The following NRAP variants were observed in gnomAD, a reference collection of about 807,000 sequenced individuals.
The protein encoded by NRAP is nebulin-related-anchoring protein.
NRAP carries 189 observed loss-of-function variants against 225.9 expected under a neutral mutation model. The ratio of observed to expected loss-of-function variants is 0.84; its 90% CI spans 0.74 to 0.94. NRAP has a LOEUF of 0.94. Among genes scored for constraint, NRAP ranks in the 40% least tolerant of loss-of-function variants. The pLI, the probability that NRAP is intolerant of heterozygous loss-of-function variation, is 0.00. For synonymous variants in NRAP, 769 were observed against 790.7 expected, an observed-to-expected ratio of 0.97 and a Z score of 0.46; for missense variants, 2,176 against 2,168.7, an observed-to-expected ratio of 1.00 and a Z score of -0.07.
At chr10:113,608,707 A>T (rs1015414371) in intron 31 of NRAP, among the ~76,000 whole-genome samples, 195 bp from the exon 32 acceptor site, 1 of 152,232 alleles carries the variant, frequency 6.6e-6, no homozygotes, top group East Asian at 1.9e-4. Context: ...GGAGGATAGG[A>T]TGGACTGAAT....
chr10:113,661,708 C>G lies in NRAP; in HGVS notation c.255+971G>C, dbSNP rs565897460. Among the ~76,000 whole-genome samples, 91 of 152,222 alleles carry G rather than the reference C, an allele frequency of 6.0e-4. 1 individual carries two copies. Among genetic ancestry groups the G allele is most frequent in the Non-Finnish European group, 8.5e-4 (58 of 68,008 alleles). On this transcript the variant is annotated intron_variant, in intron 3 of 41. Transcript: ENST00000359988. The stretch of plus-strand genomic sequence containing the variant: ...TAGATTTTCAAGAGGTTGGATTTGG[C>G]AATGTGGCCTCCATATTTACCTCCC...
chr10:113,663,520 T>TA (rs770166216), intron 1 of NRAP, 74 bp from the exon 2 acceptor site: 12 of 954,652 alleles, frequency 1.3e-5, no homozygotes, highest in African/African-American at 3.3e-5. Flanking sequence ...TATTTTAGGG[T>TA]AAAAAAATGA....
intron 15 of NRAP, among the ~76,000 whole-genome samples, chr10:113,633,739 CTTT>C (rs1219794871): frequency 6.6e-6 from 1 of 151,838 alleles, no homozygotes; most frequent in Non-Finnish European, 1.5e-5. Context: ...CATGTTTTTT[CTTT>C]TTTACCTTTT....
chr10:113,647,433 C>G (rs918510448), intron 9 of NRAP, among the ~76,000 whole-genome samples: 1 of 146,708 alleles, frequency 6.8e-6, no homozygotes, highest in Non-Finnish European at 1.5e-5. Flanking sequence ...AGACCTCCCC[C>G]GATGGTACTG....
At chr10:113,600,181 C>G (rs1301813087) in intron 35 of NRAP, among the ~76,000 whole-genome samples, 1 of 151,470 alleles carries the variant, frequency 6.6e-6, no homozygotes, top group African/African-American at 2.4e-5. Flanking sequence ...CTCTCTCTCT[C>G]TCTCTCTGGA....
At chr10:113,647,506 A>AGTGGTACTGTCTCCCCCG (rs1198382124) in intron 9 of NRAP, among the ~76,000 whole-genome samples, 5 of 63,044 alleles carry the variant, frequency 7.9e-5, no homozygotes, top group Middle Eastern at 9.1e-3. Context: ...TGCCTCCCCA[A>AGTGGTACTGTCTCCCCCG]GTGGTACTGT....
At chr10:113,641,281 T>C (rs367831741) in intron 13 of NRAP, 84 bp downstream of exon 13, 6 of 795,714 alleles carry the variant, frequency 7.5e-6, no homozygotes, top group African/African-American at 1.8e-5. Context: ...GATTTTTTTT[T>C]AAGGGGAATT....
chr10:113,619,397 A>G (rs1847860963), intron 25 of NRAP, among the ~76,000 whole-genome samples: 1 of 152,126 alleles, frequency 6.6e-6, no homozygotes, highest in Admixed American at 6.5e-5. Context: ...TAGCAGTGCT[A>G]TCCCCATGGA....
At chr10:113,615,123 C>A (rs1305743266) in intron 27 of NRAP, among the ~76,000 whole-genome samples, 177 bp from the exon 28 acceptor site, 1 of 151,792 alleles carries the variant, frequency 6.6e-6, no homozygotes, top group East Asian at 1.9e-4. Context: ...GCCTCGTGCC[C>A]ACCTCTTTGG....
At chr10:113,611,382 G>A (rs774555259) in intron 30 of NRAP, among the ~76,000 whole-genome samples, 34 of 152,188 alleles carry the variant, frequency 2.2e-4, no homozygotes, top group Non-Finnish European at 2.9e-4. Flanking sequence ...GGTTTTGTGC[G>A]GAGTTTTCTT....
chr10:113,602,209 C>A (rs982902545), intron 35 of NRAP, among the ~76,000 whole-genome samples: 1 of 152,182 alleles, frequency 6.6e-6, no homozygotes, highest in Admixed American at 6.5e-5. Flanking sequence ...GAGATGGAGG[C>A]CTAGAAAGGG....
intron 14 of NRAP, among the ~76,000 whole-genome samples, chr10:113,635,748 G>A (rs1848833474): frequency 6.6e-6 from 1 of 152,098 alleles, no homozygotes; most frequent in South Asian, 2.1e-4. Context: ...ATTTAACCAA[G>A]GTTATCTGAA....
intron 30 of NRAP, among the ~76,000 whole-genome samples, chr10:113,611,776 C>A (rs1205299448): frequency 6.6e-6 from 1 of 152,144 alleles, no homozygotes; most frequent in Non-Finnish European, 1.5e-5. Context: ...AGGAATCCTT[C>A]CTGAGACTTG....
rs369763684 is a variant in NRAP at position 113,608,514 on chromosome 10, T to C, written c.3604-2A>G. On this transcript the variant is annotated splice_acceptor_variant, in intron 31 of 41. Coordinates refer to ENST00000359988, the MANE Select transcript of NRAP (RefSeq NM_198060.4). LOFTEE classifies it high-confidence loss of function. ...GTGGGGATGCTGCCGATATTTACTC[T>C]GAATTCACACACAAGAAGGGAAGAA... The C allele has an allele frequency of 4.4e-6, 7 of 1,597,198 alleles. No homozygotes were observed. Among genetic ancestry groups the C allele is most frequent in the Non-Finnish European group, 5.1e-6 (6 of 1,165,628 alleles).
chr10:113,637,273 T>A (rs545064235), intron 14 of NRAP, among the ~76,000 whole-genome samples: 2 of 152,290 alleles, frequency 1.3e-5, no homozygotes, highest in African/African-American at 2.4e-5. Context: ...ACTATTATTA[T>A]CCCTACCTTA....
intron 12 of NRAP, among the ~76,000 whole-genome samples, chr10:113,641,772 A>G (rs951164585): frequency 3.9e-5 from 6 of 152,202 alleles, no homozygotes; most frequent in African/African-American, 9.7e-5. Flanking sequence ...TTTTAAATTT[A>G]CCAGATTTTT....
At chr10:113,624,671 G>C (rs1848185393) in intron 22 of NRAP, among the ~76,000 whole-genome samples, 155 bp downstream of exon 22, 1 of 152,128 alleles carries the variant, frequency 6.6e-6, no homozygotes, top group Non-Finnish European at 1.5e-5. Context: ...CACTGATCAG[G>C]AGCCAGATCT....
At chr10:113,656,982 T>C (rs1361679753) in intron 4 of NRAP, among the ~76,000 whole-genome samples, 1 of 152,038 alleles carries the variant, frequency 6.6e-6, no homozygotes, top group East Asian at 1.9e-4. Context: ...AATTCTGAAA[T>C]GATGAGTCTG....
chr10:113,629,661 A>G lies in NRAP; in HGVS notation c.1967T>C (p.Leu656Pro), dbSNP rs1243259369. 24 of 1,614,066 alleles carry G rather than the reference A, an allele frequency of 1.5e-5. No homozygotes were observed. Among genetic ancestry groups the G allele is most frequent in the Non-Finnish European group, 1.9e-5 (23 of 1,179,934 alleles). ...TTCAGGCAGCACAGTGTATTCATGC[A>G]GTTTCTTCCTGTAGTCCAGGTCACT... ...LASDLDYRKK[L>P]HEYTVLPEDM... The change falls in exon 19 of 42, where the codon CTG becomes CCG. Residue 656 changes from leucine to proline, a missense_variant. Transcript: ENST00000359988.
Sources: gnomAD v4.1 joint callset for allele counts (sites outside exome capture counted in the v4.1 genomes callset) on GRCh38, gnomAD v4.1.1 for gene constraint, MANE v1.5 for transcripts, NCBI Gene and HGNC (gene_info 2026-07-23, HGNC 2026-07-21) for gene names.